Variants in TRMT2A observed in about 807,000 individuals in gnomAD.
TRMT2A encodes tRNA (uracil-5-)-methyltransferase homolog A.
Under a neutral mutation model 59.3 loss-of-function variants are expected in TRMT2A, and 60 were observed. That is an observed-to-expected ratio of 1.01 (90% CI 0.82 to 1.26). The LOEUF is 1.26. Among genes scored for constraint, TRMT2A ranks in the 50% most tolerant of loss-of-function variants. The probability of loss-of-function intolerance (pLI) is 0.00; values close to 1 mark genes in which losing one functional copy is unlikely to be tolerated. For missense variants in TRMT2A, 863 were observed against 845.2 expected (o/e 1.02, Z -0.26); for synonymous variants, 403 against 353.7 (o/e 1.14, Z -1.56).
Position 20,117,020 on chromosome 22 carries a change from G to C in TRMT2A, c.-114C>G. On this transcript the variant is annotated 5_prime_UTR_variant, in exon 1 of 12. Coordinates refer to ENST00000252136, the MANE Select transcript of TRMT2A (RefSeq NM_022727.6). ...TCACAAGGGAAGTGCTCAGAGGGGA[G>C]GTGCTCACAGAGCCGGTGCAACGCC... 7.2e-7 allele frequency: 1 copy of C among 1,381,658 alleles called. No individual in the cohort carries two copies. The highest frequency in any genetic ancestry group is 1.0e-6 in the Non-Finnish European group (1 of 1,003,354). The allele number at this position is 1,381,658 out of a possible 1,614,324, so 85.6% of individuals were successfully genotyped here.
Position 20,114,636 on chromosome 22 carries a change from G to A in TRMT2A, c.1171C>T (p.Arg391Trp), listed in dbSNP as rs774652542. Reference protein sequence around the residue: ...GLPLEHVAGDRCIHEDLLGLT... With the variant: ...GLPLEHVAGDWCIHEDLLGLT... ...CCTAGCAGGTCCTCGTGGATGCACC[G>A]GTCCCCAGCCACATGCTCCAGGGGC... Residue 391 changes from arginine (R) to tryptophan (W), a missense_variant, in exon 7 of 12, where the codon CGG (arginine) becomes TGG (tryptophan). Coordinates refer to ENST00000252136, the MANE Select transcript of TRMT2A (RefSeq NM_022727.6). The A allele has an allele frequency of 1.2e-5, 19 of 1,613,644 alleles. No individual in the cohort carries two copies. The highest frequency in any genetic ancestry group is 3.3e-5 in the South Asian group (3 of 91,090).
rs1373882842 is a variant in TRMT2A, at chr22:20,116,457, G to A, written c.180C>T (p.Tyr60=). The A allele has an allele frequency of 4.3e-6, 7 of 1,612,754 alleles. No homozygotes were observed. In the South Asian group the frequency reaches 4.4e-5, roughly 10 times the overall value. ...ATGPGPQPGL[Y]SYIRDDLFTS... ...TAAACAAGTCATCCCTGATGTAGCT[G>A]TAGAGCCCGGGCTGAGGCCCCGGCC... The change falls in exon 2 of 12, where the codon TAC becomes TAT. Residue 60 remains tyrosine (Y), a synonymous_variant. Coordinates refer to ENST00000252136, the MANE Select transcript of TRMT2A (RefSeq NM_022727.6).
At position 20,112,616 on chromosome 22, in the gene TRMT2A, G is replaced by A. The variant is rs1187019605; in HGVS notation, c.1825C>T (p.Pro609Ser). The change falls in exon 12 of 12, where the codon CCA becomes TCA. Residue 609 changes from proline (P) to serine (S), a missense_variant. Coordinates refer to ENST00000252136, the MANE Select transcript of TRMT2A (RefSeq NM_022727.6). ...TGTAGGGTGTTATCTGGGGGTCCTG[G>A]TGTGGGTTGAGCTGGAGGGCTGTGG... ...GPHSPPAQPTPGPPDNTLQET... is the reference protein window; with the variant it reads ...GPHSPPAQPTSGPPDNTLQET... 2 of 1,614,038 alleles carry A rather than the reference G, an allele frequency of 1.2e-6. No homozygotes were observed. The highest frequency in any genetic ancestry group is 1.7e-6 in the Non-Finnish European group (2 of 1,180,044).
rs1170470071 is a variant in TRMT2A at position 20,112,161 on chromosome 22, C to CA, written c.*401dup. 5.0e-6 allele frequency: 1 copy of CA among 199,312 alleles called. No homozygotes were observed. Among genetic ancestry groups the CA allele is most frequent in the Non-Finnish European group, 1.0e-5 (1 of 99,148 alleles). The allele number at this position is 199,312 out of a possible 1,614,324, so 12.3% of individuals were successfully genotyped here. A position where few individuals can be genotyped will look rare whatever the true frequency, so the allele number is the denominator to read the frequency against. On this transcript the variant is annotated 3_prime_UTR_variant, in exon 12 of 12. Coordinates refer to ENST00000252136, the MANE Select transcript of TRMT2A (RefSeq NM_022727.6). ...CCTCAAGTTTAAGTATCAAATCGAACATTCTTTTTTAAAGTAAGCTCTGCC... is the reference window on the plus strand; with the variant it reads ...CCTCAAGTTTAAGTATCAAATCGAACAATTCTTTTTTAAAGTAAGCTCTGCC...
chr22:20,112,764 C>T lies in TRMT2A; in HGVS notation c.1677G>A (p.Lys559=), dbSNP rs768887172. 5 of 1,613,538 alleles carry T rather than the reference C, an allele frequency of 3.1e-6. No homozygotes were observed. The East Asian group carries it at 8.9e-5, about 29-fold the overall frequency. ...DLCRAPSNRV[K]GIPFRPVKAV... ...CCTTGACCGGCCGGAAGGGAATGCC[C>T]TTCACCCGGTTAGATGGGGCTCTGC... The change falls in exon 12 of 12, where the codon AAG becomes AAA. Residue 559 remains lysine (K), a synonymous_variant. Coordinates refer to ENST00000252136, the MANE Select transcript of TRMT2A (RefSeq NM_022727.6).
Position 20,114,821 on chromosome 22 carries a change from G to A in TRMT2A, c.1061C>T (p.Thr354Ile). The A allele has an allele frequency of 6.2e-7, 1 of 1,609,008 alleles. No individual in the cohort carries two copies. The highest frequency in any genetic ancestry group is 8.5e-7 in the Non-Finnish European group (1 of 1,178,838). ...ELKTSLAQHF[T>I]AGPGRASGVT... is the part of the protein sequence containing the mutation. ...TCCACTGGCCCTGCCTGGCCCTGCTGTGAAGTGCTGCGCTAGGGAGGTCTT... is the reference window on the plus strand; with the variant it reads ...TCCACTGGCCCTGCCTGGCCCTGCTATGAAGTGCTGCGCTAGGGAGGTCTT... The change falls in exon 6 of 12, where the codon ACA (threonine) becomes ATA (isoleucine). Residue 354 changes from threonine to isoleucine, a missense_variant. Physicochemically the swap from Thr to Ile is moderately conservative, Grantham distance 89. Transcript: ENST00000252136.
intron 7 of TRMT2A, among the ~76,000 whole-genome samples, chr22:20,114,267 GT>G (rs2049935926): frequency 6.6e-6 from 1 of 152,182 alleles, no homozygotes; most frequent in African/African-American, 2.4e-5. Flanking sequence ...CAGTGAAACA[GT>G]ATTTCCCAGC....
At position 20,112,784 on chromosome 22, in the gene TRMT2A, C is replaced by T. The variant is rs530843465; in HGVS notation, c.1657G>A (p.Ala553Thr). The T allele has an allele frequency of 2.5e-6, 4 of 1,613,274 alleles. No homozygotes were observed. Among genetic ancestry groups the T allele is most frequent in the Admixed American group, 1.7e-5 (1 of 60,000 alleles). ...AMGNFVDLCRAPSNRVKGIPF... is the reference protein window; with the variant it reads ...AMGNFVDLCRTPSNRVKGIPF... The stretch of plus-strand genomic sequence containing the variant: ...ATGCCCTTCACCCGGTTAGATGGGG[C>T]TCTGCAGAGGCTGTGGGGGGAAAAG... The change falls in exon 12 of 12, where the codon GCC becomes ACC. Residue 553 changes from alanine (A) to threonine (T), a missense_variant. Coordinates refer to ENST00000252136, the MANE Select transcript of TRMT2A (RefSeq NM_022727.6).
rs763894481 is a variant in TRMT2A, at chr22:20,114,610, C to G, written c.1197G>C (p.Gly399=). The stretch of plus-strand genomic sequence containing the variant: ...CGTGTGGAGAGATCCGGAAGGTCAG[C>G]CCTAGCAGGTCCTCGTGGATGCACC... ...GDRCIHEDLL[G]LTFRISPHAF... is the part of the protein sequence containing the mutation. The change falls in exon 7 of 12, where the codon GGG becomes GGC. Residue 399 remains glycine, a synonymous_variant. Transcript: ENST00000252136. The G allele has an allele frequency of 6.2e-7, 1 of 1,613,790 alleles. No individual in the cohort carries two copies. The highest frequency in any genetic ancestry group is 8.5e-7 in the Non-Finnish European group (1 of 1,180,018).
At chr22:20,115,946 T>C in intron 2 of TRMT2A, 92 bp downstream of exon 2, 1 of 1,463,814 alleles carries the variant, frequency 6.8e-7, no homozygotes, top group Non-Finnish European at 9.2e-7. Flanking sequence ...CCAGATCCTG[T>C]GCTGGGCCTC....
Position 20,116,573 on chromosome 22 carries a change from T to A in TRMT2A, c.64A>T (p.Ser22Cys), listed in dbSNP as rs781614381. The A allele has an allele frequency of 1.3e-6, 2 of 1,572,944 alleles. No individual in the cohort carries two copies. The highest frequency in any genetic ancestry group is 1.7e-6 in the Non-Finnish European group (2 of 1,164,146). ...GAGACGGTAGGGCAGCTCAGGGCAC[T>A]GCTGCTCTCCTGGCCACAGCTCTCC... ...PMESCGQESS[S>C]ALSCPTVSVP... Residue 22 changes from serine (S) to cysteine (C), a missense_variant, in exon 2 of 12, where the codon AGT (serine) becomes TGT (cysteine). Transcript: ENST00000252136.
chr22:20,112,377 A>G lies in TRMT2A; in HGVS notation c.*186T>C, dbSNP rs2147950863. 1 of 733,694 alleles carries G rather than the reference A, an allele frequency of 1.4e-6. No individual in the cohort carries two copies. Among genetic ancestry groups the G allele is most frequent in the Non-Finnish European group, 2.2e-6 (1 of 453,160 alleles). 45.4% of individuals were successfully genotyped at this position (733,694 alleles called of 1,614,324 possible). On this transcript the variant is annotated 3_prime_UTR_variant, in exon 12 of 12. Transcript: ENST00000252136. ...AGGCCCTGGGGATGGGCAACAGGCT[A>G]CAGGAACCCACCTGTCTTCCTGGTC...
Position 20,116,529 on chromosome 22 carries a change from CGGGGCTGCA to C in TRMT2A, c.99_107del (p.Pro36_Ala38del), listed in dbSNP as rs774247221. 4.4e-5 allele frequency: 71 copies of C among 1,607,528 alleles called. No individual in the cohort carries two copies. The East Asian group carries it at 1.2e-3, about 27-fold the overall frequency. On this transcript the variant is annotated inframe_deletion, in exon 2 of 12. Transcript: ENST00000252136. ...CTTTCTCCACCTCCTCCAGGGCTGC[CGGGGCTGCA>C]GGGGGCACCGAGACGGTAGGGCAGC...
At chr22:20,116,832 G>T in intron 1 of TRMT2A, 51 bp downstream of exon 1, 2 of 549,942 alleles carry the variant, frequency 3.6e-6, no homozygotes, top group Non-Finnish European at 5.3e-6. Flanking sequence ...GACCCACCCC[G>T]CCTCCTCCCA....
intron 4 of TRMT2A, 75 bp downstream of exon 4, chr22:20,115,191 T>A (rs2049972344): frequency 4.4e-6 from 7 of 1,580,832 alleles, no homozygotes; most frequent in Non-Finnish European, 6.0e-6. Context: ...CACTCCAGAA[T>A]TCCCGGGGCA....
At chr22:20,116,746 T>G in intron 1 of TRMT2A, 134 bp from the exon 2 acceptor site, 8 of 1,208,916 alleles carry the variant, frequency 6.6e-6, no homozygotes, top group African/African-American at 1.7e-5. Flanking sequence ...CAGTCTACCC[T>G]CCCGACCCCA....
chr22:20,116,969 G>C lies in TRMT2A; in HGVS notation c.-63C>G. 7 of 1,556,442 alleles carry C rather than the reference G, an allele frequency of 4.5e-6. No homozygotes were observed. The highest frequency in any genetic ancestry group is 6.1e-6 in the Non-Finnish European group (7 of 1,148,962). On this transcript the variant is annotated 5_prime_UTR_variant, in exon 1 of 12. Transcript: ENST00000252136. ...GGGGGCCGCCTGGCCACCTCGTCCT[G>C]GGCCTGTCACAAGGGAAGTGGCCTG...
chr22:20,113,663 C>T, intron 8 of TRMT2A, 23 bp downstream of exon 8: 1 of 1,590,136 alleles, frequency 6.3e-7, no homozygotes, highest in South Asian at 1.1e-5. Context: ...AGAGGGTGCC[C>T]TCAGCAGGGC....
At chr22:20,116,785 C>A in intron 1 of TRMT2A, 98 bp downstream of exon 1, 1 of 1,450,778 alleles carries the variant, frequency 6.9e-7, no homozygotes. Flanking sequence ...CCCTATCGCA[C>A]CTGCCTCGTC....
Sources: gnomAD v4.1 joint callset for allele counts (sites outside exome capture counted in the v4.1 genomes callset) on GRCh38, gnomAD v4.1.1 for gene constraint, MANE v1.5 for transcripts, NCBI Gene and HGNC (gene_info 2026-07-23, HGNC 2026-07-21) for gene names.